The following PRIMA1 variants were observed in gnomAD, a reference collection of about 807,000 sequenced individuals.
The protein encoded by PRIMA1 is proline rich membrane anchor 1.
In PRIMA1, 7 loss-of-function variants were observed where a neutral mutation model predicts 17.5. The ratio of observed to expected loss-of-function variants is 0.40; its 90% CI spans 0.23 to 0.75. The LOEUF (loss-of-function observed/expected upper bound fraction) is 0.75, where lower values mean the gene tolerates loss of function less well. Among genes scored for constraint, PRIMA1 ranks in the 30% least tolerant of loss-of-function variants. PRIMA1 has a pLI of 0.37. For missense variants in PRIMA1, 200 were observed against 201.8 expected (o/e 0.99, Z 0.05); for synonymous variants, 97 against 77.9 (o/e 1.25, Z -1.29).
At chr14:93,750,146 C>A (rs988581080) in intron 3 of PRIMA1, among the ~76,000 whole-genome samples, 10 of 152,100 alleles carry the variant, frequency 6.6e-5, no homozygotes, top group Admixed American at 2.6e-4. Flanking sequence ...CGAGATCGTG[C>A]CACTGCACCG....
intron 4 of PRIMA1, among the ~76,000 whole-genome samples, chr14:93,734,812 G>A (rs2076139307): frequency 7.3e-6 from 1 of 137,852 alleles, no homozygotes; most frequent in Non-Finnish European, 1.6e-5. Context: ...TCTGGGATGA[G>A]TTCTGTTTTT....
intron 2 of PRIMA1, among the ~76,000 whole-genome samples, chr14:93,786,194 C>A (rs994222298): frequency 6.6e-6 from 1 of 152,180 alleles, no homozygotes; most frequent in Non-Finnish European, 1.5e-5. Flanking sequence ...AAAAGTTGAA[C>A]AAGCGAAGCT....
intron 2 of PRIMA1, among the ~76,000 whole-genome samples, chr14:93,781,478 G>A (rs1409389070): frequency 6.6e-6 from 1 of 152,226 alleles, no homozygotes; most frequent in Non-Finnish European, 1.5e-5. Context: ...ACCATTGCCA[G>A]TGTAATTATT....
intron 4 of PRIMA1, among the ~76,000 whole-genome samples, chr14:93,723,364 A>G (rs925968128): frequency 6.6e-6 from 1 of 152,160 alleles, no homozygotes; most frequent in Non-Finnish European, 1.5e-5. Flanking sequence ...AGCCACAGTC[A>G]GAAGGGCTGG....
At chr14:93,734,104 C>G (rs149996681) in intron 4 of PRIMA1, among the ~76,000 whole-genome samples, 184 of 152,330 alleles carry the variant, frequency 1.2e-3, no homozygotes, top group African/African-American at 4.0e-3. Flanking sequence ...GGGATACTCT[C>G]TCTGGACTAT....
chr14:93,785,188 CAAAAAAAAAA>C (rs386382197), intron 2 of PRIMA1, among the ~76,000 whole-genome samples: 1 of 110,060 alleles, frequency 9.1e-6, no homozygotes, highest in South Asian at 3.6e-4. Context: ...TCTTCTCTTT[CAAAAAAAAAA>C]AAAAAAAAAG....
chr14:93,781,727 C>A (rs769710396), intron 2 of PRIMA1, among the ~76,000 whole-genome samples: 22 of 152,298 alleles, frequency 1.4e-4, no homozygotes, highest in South Asian at 6.2e-4. Context: ...GTAATCCCAG[C>A]ACTTTGGGAG....
chr14:93,756,718 G>C (rs77251039), intron 3 of PRIMA1, among the ~76,000 whole-genome samples: 1,858 of 152,194 alleles, frequency 0.012, 14 homozygotes, highest in Admixed American at 0.02. Flanking sequence ...TCCACAGGCC[G>C]GCTCTGGGTT....
rs1192971601 is a variant in PRIMA1 at position 93,718,936 on chromosome 14, AG to A, written c.*2507del. 1 of 152,288 alleles carries A rather than the reference AG, an allele frequency of 6.6e-6. No individual in the cohort carries two copies. The highest frequency in any genetic ancestry group is 1.9e-4 in the East Asian group (1 of 5,184). 9.4% of individuals were successfully genotyped at this position (152,288 alleles called of 1,614,324 possible). A position where few individuals can be genotyped will look rare whatever the true frequency, so the allele number is the denominator to read the frequency against. ...AGACTGCCGGCTCATTTTAAATAAA[AG>A]TTCTAAGCTCAAATACTAGGCCGGC... is the stretch of plus-strand genomic sequence containing the variant. On this transcript the variant is annotated 3_prime_UTR_variant, in exon 5 of 5. Transcript: ENST00000393140.
chr14:93,743,180 AC>A (rs2076194607), intron 3 of PRIMA1, among the ~76,000 whole-genome samples: 4 of 152,152 alleles, frequency 2.6e-5, no homozygotes, highest in African/African-American at 9.7e-5. Context: ...GGGTCTCTTG[AC>A]CCTGTGAGTG....
In PRIMA1 at chr14:93,720,000, T is replaced by A. The variant is rs1157429411; in HGVS notation, c.*1444A>T. The A allele has an allele frequency of 6.6e-6, 1 of 152,182 alleles. No homozygotes were observed. The highest frequency in any genetic ancestry group is 2.4e-5 in the African/African-American group (1 of 41,430). 9.4% of individuals were successfully genotyped at this position (152,182 alleles called of 1,614,324 possible). A position where few individuals can be genotyped will look rare whatever the true frequency, so the allele number is the denominator to read the frequency against. On this transcript the variant is annotated 3_prime_UTR_variant, in exon 5 of 5. Coordinates refer to ENST00000393140, the MANE Select transcript of PRIMA1 (RefSeq NM_178013.4). Reference sequence around the variant, plus strand: ...GACCGGTTTTCAGGTGTGTCTGTCTTCTCTGGACTTCAAAGTCTCACCTGT... The same window carrying A: ...GACCGGTTTTCAGGTGTGTCTGTCTACTCTGGACTTCAAAGTCTCACCTGT...
chr14:93,775,373 G>A (rs1263073024), intron 3 of PRIMA1, among the ~76,000 whole-genome samples: 1 of 152,256 alleles, frequency 6.6e-6, no homozygotes, highest in Admixed American at 6.5e-5. Context: ...TTGGAGCTCA[G>A]TGTGCACCTG....
In PRIMA1 at chr14:93,726,081, C is replaced by T. The variant is rs1033069774; in HGVS notation, c.360-4535G>A. On this transcript the variant is annotated intron_variant, in intron 4 of 4. Coordinates refer to ENST00000393140, the MANE Select transcript of PRIMA1 (RefSeq NM_178013.4). This position sits in a 1 kb window ranked among gnomAD's most constrained non-coding sequence, Gnocchi z 4.2. The stretch of plus-strand genomic sequence containing the variant: ...ATTCCTGCTTGTAGGAGGGTGGGCT[C>T]TGCCACCTTCAGACTTCTTGTCCCC... The T allele has an allele frequency of 2.2e-6, 1 of 456,252 alleles. No individual in the cohort carries two copies. Among genetic ancestry groups the T allele is most frequent in the Admixed American group, 2.3e-5 (1 of 42,576 alleles). The allele number at this position is 456,252 out of a possible 1,614,324, so 28.3% of individuals were successfully genotyped here.
chr14:93,724,498 C>A (rs2076062114), intron 4 of PRIMA1, among the ~76,000 whole-genome samples: 1 of 152,154 alleles, frequency 6.6e-6, no homozygotes, highest in African/African-American at 2.4e-5. Flanking sequence ...GTCCTACCCA[C>A]CCCTTTTCCA....
intron 3 of PRIMA1, among the ~76,000 whole-genome samples, chr14:93,756,095 C>T (rs1452261494): frequency 1.3e-5 from 2 of 152,040 alleles, no homozygotes; most frequent in Non-Finnish European, 2.9e-5. Context: ...TTTTTTAAGT[C>T]TGGGTCTTGC....
rs2076078371 is a variant in PRIMA1, at chr14:93,726,645, TC to T, written c.360-5100del. Among the ~76,000 whole-genome samples the T allele has an allele frequency of 1.3e-5, 2 of 150,848 alleles. No homozygotes were observed. Among genetic ancestry groups the T allele is most frequent in the Admixed American group, 1.3e-4 (2 of 15,178 alleles). On this transcript the variant is annotated intron_variant, in intron 4 of 4. Transcript: ENST00000393140. This position sits in a 1 kb window ranked among gnomAD's most constrained non-coding sequence, Gnocchi z 4.2. Reference sequence around the variant, plus strand: ...ATAGACACATGTACACATGCACAAATCCACACACACATACAATATACACATA... The same window carrying T: ...ATAGACACATGTACACATGCACAAATCACACACACATACAATATACACATA...
At chr14:93,758,610 AAAG>A (rs1365924167) in intron 3 of PRIMA1, among the ~76,000 whole-genome samples, 156 of 149,444 alleles carry the variant, frequency 1.0e-3, no homozygotes, top group African/African-American at 3.8e-3. Context: ...AAAAAAAAAA[AAAG>A]AAAAAGAAAA....
intron 3 of PRIMA1, among the ~76,000 whole-genome samples, chr14:93,775,954 T>G (rs956812722): frequency 6.6e-6 from 1 of 152,146 alleles, no homozygotes; most frequent in South Asian, 2.1e-4. Flanking sequence ...CCATGATTGG[T>G]CCACAGGTGG....
intron 3 of PRIMA1, among the ~76,000 whole-genome samples, chr14:93,745,163 C>A (rs573186639): frequency 6.6e-6 from 1 of 152,130 alleles, no homozygotes; most frequent in African/African-American, 2.4e-5. Flanking sequence ...CTTCGGTGGC[C>A]GGCAGCACTG....
Sources: gnomAD v4.1 joint callset for allele counts (sites outside exome capture counted in the v4.1 genomes callset) on GRCh38, gnomAD v4.1.1 for gene constraint, Gnocchi (gnomAD v3.1) non-coding constraint, MANE v1.5 for transcripts, NCBI Gene and HGNC (gene_info 2026-07-23, HGNC 2026-07-21) for gene names.